LINGO2: variants seen among roughly 807,000 people sequenced by gnomAD.
LINGO2 encodes leucine-rich repeat and immunoglobulin-like domain-containing nogo receptor-interacting protein 2.
LINGO2 carries 14 observed loss-of-function variants against 30.6 expected under a neutral mutation model. That is an observed-to-expected ratio of 0.46 (90% CI 0.30 to 0.72). The LOEUF (loss-of-function observed/expected upper bound fraction) is 0.72. Ranked by LOEUF, LINGO2 falls within the 30% of genes least tolerant of loss-of-function variation. LINGO2 has a pLI of 0.07. For synonymous variants in LINGO2, 317 were observed against 288.5 expected (o/e 1.10, Z -1.00); for missense variants, 729 against 751.7 (o/e 0.97, Z 0.35).
At chr9:28,664,841 C>T (rs889102387) in intron 1 of LINGO2, among the ~76,000 whole-genome samples, 8 of 151,750 alleles carry the variant, frequency 5.3e-5, no homozygotes, top group African/African-American at 7.3e-5. Flanking sequence ...GCTCTTCAAG[C>T]TCTCACCTTG....
intron 3 of LINGO2, among the ~76,000 whole-genome samples, chr9:28,308,375 C>A (rs1824459163): frequency 7.4e-6 from 1 of 135,588 alleles, no homozygotes; most frequent in Admixed American, 7.5e-5. Context: ...ACTGGCTAGC[C>A]ATATGTAGAA....
the LINGO2 span, among the ~76,000 whole-genome samples, chr9:28,912,133 T>C: frequency 6.6e-6 from 1 of 152,156 alleles, no homozygotes; most frequent in Non-Finnish European, 1.5e-5. Flanking sequence ...TAAAATTAGA[T>C]GACTTCATGT....
At chr9:28,575,093 A>G (rs886978568) in intron 1 of LINGO2, among the ~76,000 whole-genome samples, 1 of 152,116 alleles carries the variant, frequency 6.6e-6, no homozygotes, top group African/African-American at 2.4e-5. Context: ...TCCTTCATGA[A>G]CCGATGCAGA....
the LINGO2 span, among the ~76,000 whole-genome samples, chr9:28,926,974 A>G: frequency 1.3e-5 from 2 of 152,140 alleles, no homozygotes; most frequent in African/African-American, 4.8e-5. Flanking sequence ...CTCTGTCCAC[A>G]TAGATATTCT....
chr9:28,054,105 G>A (rs1029764776), intron 4 of LINGO2, among the ~76,000 whole-genome samples: 4 of 151,994 alleles, frequency 2.6e-5, no homozygotes, highest in African/African-American at 7.3e-5. Context: ...GGGAGGTGGG[G>A]AGAAGCCTGT....
At chr9:29,026,066 A>C in the LINGO2 span, among the ~76,000 whole-genome samples, 1 of 151,622 alleles carries the variant, frequency 6.6e-6, no homozygotes, top group Admixed American at 6.6e-5. Context: ...CAAGGTCTTG[A>C]TTTGTCTCCC....
chr9:28,428,511 G>T (rs1470456900), intron 2 of LINGO2, among the ~76,000 whole-genome samples: 1 of 152,072 alleles, frequency 6.6e-6, no homozygotes, highest in Non-Finnish European at 1.5e-5. Flanking sequence ...ATGGTTAATT[G>T]CTGAGAAAGT....
chr9:28,504,077 G>A (rs1262374554), intron 1 of LINGO2, among the ~76,000 whole-genome samples: 1 of 151,740 alleles, frequency 6.6e-6, no homozygotes, highest in Non-Finnish European at 1.5e-5. Flanking sequence ...AGTGCCTACG[G>A]TTCACTAATC....
At chr9:28,596,983 G>A (rs773036423) in intron 1 of LINGO2, among the ~76,000 whole-genome samples, 11 of 152,136 alleles carry the variant, frequency 7.2e-5, no homozygotes, top group Non-Finnish European at 1.2e-4. Flanking sequence ...AGACAAATAC[G>A]TCTATCTATA....
intron 4 of LINGO2, among the ~76,000 whole-genome samples, chr9:28,264,906 T>C (rs1208783655): frequency 1.3e-5 from 2 of 151,962 alleles, no homozygotes; most frequent in Non-Finnish European, 2.9e-5. Flanking sequence ...ACTTGTCTAA[T>C]CAGTCTGAAG....
intron 5 of LINGO2, among the ~76,000 whole-genome samples, chr9:27,994,720 T>C (rs573114561): frequency 6.6e-6 from 1 of 152,208 alleles, no homozygotes; most frequent in East Asian, 1.9e-4. Flanking sequence ...TGTGCACCAA[T>C]TAATAGTAAC....
chr9:28,983,714 C>A, the LINGO2 span, among the ~76,000 whole-genome samples: 1 of 151,896 alleles, frequency 6.6e-6, no homozygotes, highest in African/African-American at 2.4e-5. Context: ...TGCATCCATA[C>A]AGTACCTAGT....
chr9:28,406,166 C>T (rs1378838478), intron 2 of LINGO2, among the ~76,000 whole-genome samples: 3 of 151,984 alleles, frequency 2.0e-5, no homozygotes, highest in Admixed American at 6.6e-5. Context: ...CGGCTGGGTG[C>T]GGTGGCTCAT....
chr9:27,966,080 A>T (rs1330157201), intron 5 of LINGO2, among the ~76,000 whole-genome samples: 1 of 152,126 alleles, frequency 6.6e-6, no homozygotes, highest in African/African-American at 2.4e-5. Context: ...TATTATTATT[A>T]TCACTATTTA....
chr9:28,538,850 A>G (rs1821549138), intron 1 of LINGO2, among the ~76,000 whole-genome samples: 1 of 152,124 alleles, frequency 6.6e-6, no homozygotes, highest in Admixed American at 6.6e-5. Context: ...TTTCCAACCT[A>G]TGAATTTGGG....
intron 4 of LINGO2, among the ~76,000 whole-genome samples, chr9:28,149,896 C>G (rs113346815): frequency 6.9e-6 from 1 of 145,858 alleles, no homozygotes; most frequent in Non-Finnish European, 1.5e-5. Flanking sequence ...AAGTAAGGAG[C>G]GCCTATGCCT....
At chr9:27,951,083 G>A (rs956897108) in intron 5 of LINGO2, among the ~76,000 whole-genome samples, 3 of 152,200 alleles carry the variant, frequency 2.0e-5, no homozygotes, top group Non-Finnish European at 4.4e-5. Context: ...CAGGTCAACA[G>A]CTAAGAAGAA....
At chr9:29,170,458 G>A in the LINGO2 span, among the ~76,000 whole-genome samples, 1 of 151,986 alleles carries the variant, frequency 6.6e-6, no homozygotes, top group African/African-American at 2.4e-5. Flanking sequence ...GGTGGGAAGG[G>A]AAGAAAGATG....
At chr9:29,036,208 G>A in the LINGO2 span, among the ~76,000 whole-genome samples, 6 of 152,144 alleles carry the variant, frequency 3.9e-5, no homozygotes, top group Admixed American at 6.6e-5. Context: ...GCATTTGCAC[G>A]TTGAGCATTT....
Sources: gnomAD v4.1 joint callset for allele counts (sites outside exome capture counted in the v4.1 genomes callset) on GRCh38, gnomAD v4.1.1 for gene constraint, MANE v1.5 for transcripts, NCBI Gene and HGNC (gene_info 2026-07-23, HGNC 2026-07-21) for gene names.